The following FARS2 variants were observed in gnomAD, a reference collection of about 807,000 sequenced individuals.
FARS2 encodes the protein phenylalanine--tRNA ligase, mitochondrial.
A neutral mutation model predicts 46.4 loss-of-function variants in FARS2; 40 were observed. The observed-to-expected ratio is 0.86, with a 90% confidence interval of 0.67 to 1.12. FARS2 has a LOEUF of 1.12. Ranked by LOEUF, FARS2 falls within the 50% of genes most tolerant of loss-of-function variation. The pLI, the probability that FARS2 is intolerant of heterozygous loss-of-function variation, is 0.00. For missense variants in FARS2, 513 were observed against 567.9 expected (o/e 0.90, Z 0.98); for synonymous variants, 234 against 214.9 (o/e 1.09, Z -0.78).
intron 6 of FARS2, among the ~76,000 whole-genome samples, chr6:5,744,718 C>CT (rs1165384581): frequency 6.6e-6 from 1 of 152,238 alleles, no homozygotes; most frequent in Non-Finnish European, 1.5e-5. Flanking sequence ...TGTTCAGTGG[C>CT]TTCTGCAACA....
chr6:5,512,180 A>G (rs982538537), intron 4 of FARS2, among the ~76,000 whole-genome samples: 2 of 152,128 alleles, frequency 1.3e-5, no homozygotes, highest in Admixed American at 6.5e-5. Context: ...AGGAAATTCA[A>G]TTGCTCACAT....
chr6:5,301,390 G>A (rs1193272757), intron 1 of FARS2, among the ~76,000 whole-genome samples: 1 of 152,138 alleles, frequency 6.6e-6, no homozygotes, highest in Non-Finnish European at 1.5e-5. Flanking sequence ...GTTTGAGGCT[G>A]CAGTGAGCTG....
At chr6:5,294,912 A>G (rs2127521221) in intron 1 of FARS2, among the ~76,000 whole-genome samples, 2 of 152,256 alleles carry the variant, frequency 1.3e-5, no homozygotes, top group African/African-American at 4.8e-5. Context: ...CTCTCATGGA[A>G]GGGTCTTAAG....
chr6:5,576,080 C>T (rs1214423615), intron 5 of FARS2, among the ~76,000 whole-genome samples: 1 of 152,098 alleles, frequency 6.6e-6, no homozygotes, highest in Non-Finnish European at 1.5e-5. Flanking sequence ...TACTTTAAAA[C>T]GATTGAGTCT....
At chr6:5,717,501 C>T (rs1422273152) in intron 6 of FARS2, among the ~76,000 whole-genome samples, 1 of 151,846 alleles carries the variant, frequency 6.6e-6, no homozygotes. Flanking sequence ...CAGTTGTATC[C>T]CCATGGTGTC....
chr6:5,278,670 G>A (rs968732519), intron 1 of FARS2, among the ~76,000 whole-genome samples: 2 of 151,812 alleles, frequency 1.3e-5, no homozygotes, highest in African/African-American at 4.8e-5. Context: ...TCTTTATTAG[G>A]CTAAAAAAGA....
intron 3 of FARS2, among the ~76,000 whole-genome samples, chr6:5,405,477 G>GTTTTTTTTTTT (rs1554181324): frequency 3.4e-4 from 32 of 93,136 alleles, no homozygotes; most frequent in Middle Eastern, 6.1e-3. Context: ...GTGGAGCAAG[G>GTTTTTTTTTTT]TTCTTTTTTT....
intron 6 of FARS2, among the ~76,000 whole-genome samples, chr6:5,759,233 C>A (rs1762366109): frequency 6.6e-6 from 1 of 152,306 alleles, no homozygotes; most frequent in Non-Finnish European, 1.5e-5. Context: ...TTCACTCCAT[C>A]GGTTCCTACA....
rs527384609 is a variant in FARS2, at chr6:5,763,467, A to C, written c.1218-7824A>C. ...AGCAAGACCATGTCTCAAATAAATA[A>C]ATAAATAAAAGGATCTCTTCTGTCT... On this transcript the variant is annotated intron_variant, in intron 6 of 6. Transcript: ENST00000274680. 3.9e-5 allele frequency among the ~76,000 whole-genome samples: 6 copies of C among 152,278 alleles called. No homozygotes were observed. In the East Asian group the frequency reaches 9.7e-4, roughly 24 times the overall value.
chr6:5,643,573 T>C lies in FARS2; in HGVS notation c.1217+30253T>C, dbSNP rs1450156941. ...TTAGCAGCCACGTTAAGGTAACTTATCACATGCTACCCTTATATACAAAGA... is the reference window on the plus strand; with the variant it reads ...TTAGCAGCCACGTTAAGGTAACTTACCACATGCTACCCTTATATACAAAGA... On this transcript the variant is annotated intron_variant, in intron 6 of 6. Coordinates refer to ENST00000274680, the MANE Select transcript of FARS2 (RefSeq NM_006567.5). 5.9e-5 allele frequency among the ~76,000 whole-genome samples: 9 copies of C among 152,186 alleles called. No individual in the cohort carries two copies. The South Asian group carries it at 1.0e-3, about 18-fold the overall frequency.
At chr6:5,291,873 C>CTA (rs1767528466) in intron 1 of FARS2, among the ~76,000 whole-genome samples, 1 of 152,124 alleles carries the variant, frequency 6.6e-6, no homozygotes, top group Admixed American at 6.5e-5. Flanking sequence ...TATACAAAGT[C>CTA]TAATAAGATA....
At chr6:5,502,200 G>A (rs768081244) in intron 4 of FARS2, among the ~76,000 whole-genome samples, 1 of 152,202 alleles carries the variant, frequency 6.6e-6, no homozygotes, top group Non-Finnish European at 1.5e-5. Flanking sequence ...AAGTGCAGGA[G>A]CCACTGGCCT....
upstream of FARS2, among the ~76,000 whole-genome samples, chr6:5,258,818 C>T (rs892604914): frequency 2.6e-5 from 4 of 152,106 alleles, no homozygotes; most frequent in East Asian, 7.7e-4. Context: ...TACAGTTGCC[C>T]ATACTGAAAC....
At chr6:5,377,369 T>C (rs1450199568) in intron 2 of FARS2, among the ~76,000 whole-genome samples, 1 of 152,162 alleles carries the variant, frequency 6.6e-6, no homozygotes, top group African/African-American at 2.4e-5. Context: ...CTGCAGACTG[T>C]TTGCCTCCTT....
intron 6 of FARS2, among the ~76,000 whole-genome samples, chr6:5,648,936 G>A (rs1042774070): frequency 2.6e-5 from 4 of 152,106 alleles, no homozygotes; most frequent in African/African-American, 9.7e-5. Flanking sequence ...AATAGTTGTT[G>A]AATGAATGAA....
chr6:5,346,348 A>G (rs529840904), intron 1 of FARS2, among the ~76,000 whole-genome samples: 23 of 152,170 alleles, frequency 1.5e-4, no homozygotes, highest in Non-Finnish European at 3.1e-4. Flanking sequence ...TTTGGGTGTA[A>G]TTGCATCATT....
Position 5,364,023 on chromosome 6 carries a change from CA to C in FARS2, c.-21-4524del, listed in dbSNP as rs572460065. ...TCATTCATACTGAACTTCCATTGTC[CA>C]AATCTGTTTCCCTCTACAAAAGATG... On this transcript the variant is annotated intron_variant, in intron 1 of 6. Transcript: ENST00000274680. Among the ~76,000 whole-genome samples, 1,332 of 152,258 alleles carry C rather than the reference CA, an allele frequency of 8.7e-3. 9 individuals are homozygous for C. Among genetic ancestry groups the C allele is most frequent in the Non-Finnish European group, 0.012 (811 of 68,014 alleles).
At chr6:5,623,300 A>C (rs1775866531) in intron 6 of FARS2, among the ~76,000 whole-genome samples, 1 of 152,238 alleles carries the variant, frequency 6.6e-6, no homozygotes, top group African/African-American at 2.4e-5. Flanking sequence ...TTGGCAGCCA[A>C]ATGCATATAA....
intron 3 of FARS2, among the ~76,000 whole-genome samples, chr6:5,419,674 G>A (rs1314353212): frequency 1.3e-5 from 2 of 152,082 alleles, no homozygotes; most frequent in African/African-American, 4.8e-5. Flanking sequence ...CCTATGGCTT[G>A]GATCCCTAAT....
Sources: gnomAD v4.1 joint callset for allele counts (sites outside exome capture counted in the v4.1 genomes callset) on GRCh38, gnomAD v4.1.1 for gene constraint, MANE v1.5 for transcripts, NCBI Gene and HGNC (gene_info 2026-07-23, HGNC 2026-07-21) for gene names.